Variants in METTL15 observed in about 807,000 individuals in gnomAD.
METTL15 encodes methyltransferase 15, mitochondrial 12S rRNA N4-cytidine.
In METTL15, 34 loss-of-function variants were observed where a neutral mutation model predicts 38.3. That is an observed-to-expected ratio of 0.89 (90% CI 0.68 to 1.18). The LOEUF (loss-of-function observed/expected upper bound fraction) is 1.18, where lower values mean the gene tolerates loss of function less well. METTL15 is among the 50% of genes most tolerant of loss of function. The pLI is 0.00. For synonymous variants in METTL15, 162 were observed against 170.9 expected, an observed-to-expected ratio of 0.95 and a Z score of 0.41; for missense variants, 438 against 498.4, an observed-to-expected ratio of 0.88 and a Z score of 1.15.
chr11:28,430,943 A>T (rs1482673753), intron 6 of METTL15, among the ~76,000 whole-genome samples: 12 of 98,410 alleles, frequency 1.2e-4, no homozygotes, highest in Admixed American at 5.3e-4. Flanking sequence ...CCCGTCCGGG[A>T]GGTGAGGGGC....
intron 5 of METTL15, among the ~76,000 whole-genome samples, chr11:28,406,866 C>T (rs1045151090): frequency 1.3e-5 from 2 of 152,116 alleles, no homozygotes; most frequent in Non-Finnish European, 2.9e-5. Flanking sequence ...CCCATCAATA[C>T]CTAACTTATT....
At chr11:28,298,515 A>G (rs1856814229) in intron 6 of METTL15, among the ~76,000 whole-genome samples, 1 of 152,098 alleles carries the variant, frequency 6.6e-6, no homozygotes, top group African/African-American at 2.4e-5. Flanking sequence ...ATAATTGGGA[A>G]TCTGCCTTTA....
intron 3 of METTL15, among the ~76,000 whole-genome samples, chr11:28,129,790 A>G (rs1852677835): frequency 6.6e-6 from 1 of 152,140 alleles, no homozygotes. Context: ...TTTTTTATGT[A>G]TTTTGCATTG....
chr11:28,324,367 GC>G (rs1410677814), intron 6 of METTL15, among the ~76,000 whole-genome samples: 1 of 152,128 alleles, frequency 6.6e-6, no homozygotes, highest in Non-Finnish European at 1.5e-5. Flanking sequence ...AAAGAAATAT[GC>G]AAAACCAAAG....
At chr11:28,403,297 C>G (rs879328442) in intron 5 of METTL15, among the ~76,000 whole-genome samples, 4 of 151,982 alleles carry the variant, frequency 2.6e-5, no homozygotes, top group Non-Finnish European at 4.4e-5. Flanking sequence ...GCTTTGGCCT[C>G]TTGCTGGCTC....
intron 6 of METTL15, among the ~76,000 whole-genome samples, chr11:28,310,429 C>G (rs886717176): frequency 2.6e-5 from 4 of 151,994 alleles, no homozygotes; most frequent in African/African-American, 9.7e-5. Flanking sequence ...GAATGCTTGT[C>G]TGATTGCTTC....
intron 4 of METTL15, among the ~76,000 whole-genome samples, chr11:28,233,965 C>A (rs1853811291): frequency 6.7e-6 from 1 of 148,878 alleles, no homozygotes; most frequent in African/African-American, 2.5e-5. Context: ...TCCCCCTACC[C>A]CACAACAGTC....
chr11:28,330,865 A>T lies in METTL15; in HGVS notation c.*24A>T, dbSNP rs1305915628. 3.3e-6 allele frequency: 5 copies of T among 1,499,782 alleles called. No homozygotes were observed. Among genetic ancestry groups the T allele is most frequent in the East Asian group, 2.5e-5 (1 of 40,636 alleles). The allele number at this position is 1,499,782 out of a possible 1,614,324, so 92.9% of individuals were successfully genotyped here. On this transcript the variant is annotated 3_prime_UTR_variant, in exon 7 of 7. Coordinates refer to ENST00000407364, the MANE Select transcript of METTL15 (RefSeq NM_001113528.2). ...AAGTTATCATCATCTTATTCTTCAA[A>T]TTTTTTTCTCACAATTTCTCTAATC...
At chr11:28,357,908 G>A (rs1189851226) in intron 4 of METTL15, among the ~76,000 whole-genome samples, 1 of 152,070 alleles carries the variant, frequency 6.6e-6, no homozygotes, top group African/African-American at 2.4e-5. Context: ...TATGTCAAGT[G>A]TTATTGGCAG....
chr11:28,479,022 T>C (rs181104449), intron 6 of METTL15, among the ~76,000 whole-genome samples: 1 of 151,842 alleles, frequency 6.6e-6, no homozygotes, highest in African/African-American at 2.4e-5. Flanking sequence ...TGTAAACTTG[T>C]ACTTTGAAAA....
intron 6 of METTL15, among the ~76,000 whole-genome samples, chr11:28,445,678 G>T (rs557816987): frequency 1.6e-4 from 25 of 152,046 alleles, no homozygotes; most frequent in African/African-American, 6.0e-4. Flanking sequence ...TTGAGACAGG[G>T]TCTCGCTCTG....
intron 3 of METTL15, among the ~76,000 whole-genome samples, chr11:28,341,568 A>T (rs929506888): frequency 6.6e-6 from 1 of 152,102 alleles, no homozygotes; most frequent in African/African-American, 2.4e-5. Flanking sequence ...ACCTCATTTT[A>T]CTCTTCTGAA....
At chr11:28,255,627 A>G (rs1854940170) in intron 4 of METTL15, among the ~76,000 whole-genome samples, 1 of 152,144 alleles carries the variant, frequency 6.6e-6, no homozygotes. Context: ...TTCCTTCAGT[A>G]CCCAGTTTTT....
At chr11:28,110,485 C>T (rs1269919688) in intron 2 of METTL15, 84 bp downstream of exon 2, 1 of 152,210 alleles carries the variant, frequency 6.6e-6, no homozygotes, top group African/African-American at 2.4e-5. Context: ...TCGCTGGATT[C>T]GTCCGGAGCA....
At chr11:28,117,544 C>G (rs906361920) in intron 3 of METTL15, among the ~76,000 whole-genome samples, 1 of 152,032 alleles carries the variant, frequency 6.6e-6, no homozygotes, top group East Asian at 1.9e-4. Context: ...TTAGATAATT[C>G]TACAACTTGA....
intron 5 of METTL15, among the ~76,000 whole-genome samples, chr11:28,421,779 C>G (rs1413275840): frequency 6.6e-6 from 1 of 151,924 alleles, no homozygotes; most frequent in Non-Finnish European, 1.5e-5. Flanking sequence ...AGATCTTGAA[C>G]ATGACAAGGA....
chr11:28,167,415 A>G (rs756695188), intron 3 of METTL15, among the ~76,000 whole-genome samples: 2 of 152,132 alleles, frequency 1.3e-5, no homozygotes, highest in Non-Finnish European at 2.9e-5. Context: ...CACCTTGCGA[A>G]TCTGTCACTG....
In METTL15 at chr11:28,206,175, C is replaced by T. The variant is rs549704035; in HGVS notation, c.271-4887C>T. 4.6e-5 allele frequency among the ~76,000 whole-genome samples: 7 copies of T among 150,770 alleles called. No homozygotes were observed. The East Asian group carries it at 1.4e-3, about 30-fold the overall frequency. On this transcript the variant is annotated intron_variant, in intron 3 of 6. Coordinates refer to ENST00000407364, the MANE Select transcript of METTL15 (RefSeq NM_001113528.2). ...GCTTTTGGTGTTTTAGACATGAAAT[C>T]CTTAGCCATGCCTATGTCCTAAATG...
At chr11:28,193,188 A>G (rs1278387425) in intron 3 of METTL15, among the ~76,000 whole-genome samples, 1 of 152,084 alleles carries the variant, frequency 6.6e-6, no homozygotes, top group Non-Finnish European at 1.5e-5. Context: ...GGATATATTT[A>G]TATAGATGTT....
Sources: allele counts gnomAD v4.1 joint callset (sites outside exome capture counted in the v4.1 genomes callset), GRCh38; gene constraint gnomAD v4.1.1; transcripts MANE v1.5; gene names NCBI Gene and HGNC (gene_info 2026-07-23, HGNC 2026-07-21).